DPYD: variants seen among roughly 807,000 people sequenced by gnomAD.
DPYD encodes dihydropyrimidine dehydrogenase.
A neutral mutation model predicts 116.2 loss-of-function variants in DPYD; 109 were observed. The ratio of observed to expected loss-of-function variants is 0.94; its 90% CI spans 0.80 to 1.10. The LOEUF (loss-of-function observed/expected upper bound fraction) is 1.10, where lower values mean the gene tolerates loss of function less well. Ranked by LOEUF, DPYD falls within the 50% of genes least tolerant of loss-of-function variation. The probability of loss-of-function intolerance (pLI) is 0.00; values close to 1 mark genes in which losing one functional copy is unlikely to be tolerated. For synonymous variants in DPYD, 440 were observed against 432.0 expected, an observed-to-expected ratio of 1.02 and a Z score of -0.23; for missense variants, 1,302 against 1,254.5, an observed-to-expected ratio of 1.04 and a Z score of -0.57.
intron 18 of DPYD, among the ~76,000 whole-genome samples, chr1:97,258,984 A>G (rs1029503763): frequency 6.6e-6 from 1 of 152,154 alleles, no homozygotes; most frequent in Non-Finnish European, 1.5e-5. Context: ...AAAAGGGTCA[A>G]CAGTGTCAAG....
At chr1:97,502,077 C>T (rs375599936) in intron 13 of DPYD, among the ~76,000 whole-genome samples, 4 of 151,918 alleles carry the variant, frequency 2.6e-5, no homozygotes, top group Non-Finnish European at 5.9e-5. Flanking sequence ...GATCCTTTAT[C>T]GCTTTTCTTT....
chr1:97,151,283 T>C (rs1285185833), intron 20 of DPYD, among the ~76,000 whole-genome samples: 3 of 152,244 alleles, frequency 2.0e-5, no homozygotes, highest in Non-Finnish European at 4.4e-5. Flanking sequence ...TGAGCTCTTT[T>C]GATTCTTTAC....
intron 3 of DPYD, among the ~76,000 whole-genome samples, chr1:97,775,408 T>A (rs536065616): frequency 4.6e-5 from 7 of 152,230 alleles, no homozygotes; most frequent in Middle Eastern, 3.4e-3. Context: ...ATCTGTCCCT[T>A]TTGCCTACAT....
At chr1:97,167,016 C>A (rs1366433487) in intron 20 of DPYD, among the ~76,000 whole-genome samples, 2 of 151,972 alleles carry the variant, frequency 1.3e-5, no homozygotes, top group African/African-American at 4.8e-5. Context: ...ATGCTAAATT[C>A]AGAAATAGGA....
chr1:97,169,553 A>G (rs1656572699), intron 20 of DPYD, among the ~76,000 whole-genome samples: 1 of 149,222 alleles, frequency 6.7e-6, no homozygotes, highest in Admixed American at 6.7e-5. Flanking sequence ...ATTTTATTTT[A>G]TTTTATTTGT....
At chr1:97,246,497 TG>T (rs1662727588) in intron 18 of DPYD, among the ~76,000 whole-genome samples, 1 of 152,160 alleles carries the variant, frequency 6.6e-6, no homozygotes, top group Non-Finnish European at 1.5e-5. Flanking sequence ...TGGGTAGGTC[TG>T]GGGCTAAAAA....
chr1:97,210,089 A>C (rs1188242040), intron 19 of DPYD, among the ~76,000 whole-genome samples: 1 of 152,154 alleles, frequency 6.6e-6, no homozygotes, highest in African/African-American at 2.4e-5. Flanking sequence ...TCTGGTTTAA[A>C]AGTTTTCAAA....
At chr1:97,303,954 C>T (rs1667013175) in intron 18 of DPYD, among the ~76,000 whole-genome samples, 1 of 151,992 alleles carries the variant, frequency 6.6e-6, no homozygotes, top group Non-Finnish European at 1.5e-5. Flanking sequence ...GACTGCAACA[C>T]AAAAGACTTT....
At chr1:97,261,268 T>A (rs1335261886) in intron 18 of DPYD, among the ~76,000 whole-genome samples, 1 of 152,192 alleles carries the variant, frequency 6.6e-6, no homozygotes, top group South Asian at 2.1e-4. Flanking sequence ...AGCTAATGGA[T>A]GCCTCTATGC....
intron 6 of DPYD, among the ~76,000 whole-genome samples, chr1:97,697,247 C>A (rs576544107): frequency 1.3e-5 from 2 of 151,672 alleles, no homozygotes; most frequent in East Asian, 3.9e-4. Context: ...AGATATTTTT[C>A]ACTGACTCCA....
chr1:97,213,139 G>A (rs1437929755), intron 19 of DPYD, among the ~76,000 whole-genome samples: 2 of 152,030 alleles, frequency 1.3e-5, no homozygotes, highest in Non-Finnish European at 2.9e-5. Flanking sequence ...ACCACCCTCT[G>A]ACCTATCAAA....
intron 12 of DPYD, among the ~76,000 whole-genome samples, chr1:97,530,210 T>C (rs11165891): frequency 2.3e-5 from 2 of 85,310 alleles, no homozygotes; most frequent in African/African-American, 5.1e-5. Flanking sequence ...ATTTCTTTTT[T>C]TTTCTTTTTT....
chr1:97,731,111 A>G (rs1663581750), intron 4 of DPYD, among the ~76,000 whole-genome samples: 1 of 152,100 alleles, frequency 6.6e-6, no homozygotes, highest in South Asian at 2.1e-4. Flanking sequence ...ATGCCAAAAG[A>G]CACATGATTA....
chr1:97,332,128 G>C (rs1669041872), intron 16 of DPYD, among the ~76,000 whole-genome samples: 1 of 152,104 alleles, frequency 6.6e-6, no homozygotes, highest in Non-Finnish European at 1.5e-5. Flanking sequence ...TAGATCTACT[G>C]TCCAGAGTCA....
intron 22 of DPYD, 123 bp from the exon 23 acceptor site, chr1:97,079,269 C>T: frequency 1.0e-6 from 1 of 972,634 alleles, no homozygotes; most frequent in Non-Finnish European, 1.7e-6. Flanking sequence ...ACGTCCAGCT[C>T]TATGGTGCAA....
At chr1:97,640,500 G>A (rs910713880) in intron 8 of DPYD, among the ~76,000 whole-genome samples, 6 of 151,956 alleles carry the variant, frequency 3.9e-5, no homozygotes, top group African/African-American at 1.5e-4. Flanking sequence ...GTAGAGGTGG[G>A]GTTTCACCAT....
At chr1:97,261,969 C>T (rs1287184249) in intron 18 of DPYD, among the ~76,000 whole-genome samples, 2 of 151,978 alleles carry the variant, frequency 1.3e-5, no homozygotes, top group African/African-American at 4.8e-5. Context: ...GCTATTCCTA[C>T]TGCCTGAATT....
At chr1:97,772,229 T>G (rs1481379007) in intron 3 of DPYD, among the ~76,000 whole-genome samples, 1 of 152,218 alleles carries the variant, frequency 6.6e-6, no homozygotes, top group Non-Finnish European at 1.5e-5. Context: ...ATTCAATAAC[T>G]ACTTCTTGAG....
At chr1:97,623,191 T>A (rs981279591) in intron 8 of DPYD, among the ~76,000 whole-genome samples, 8 of 152,022 alleles carry the variant, frequency 5.3e-5, no homozygotes, top group African/African-American at 1.9e-4. Context: ...CCAAAGACTG[T>A]GAAGCAGAGA....
Sources: allele counts gnomAD v4.1 joint callset (sites outside exome capture counted in the v4.1 genomes callset), GRCh38; gene constraint gnomAD v4.1.1; transcripts MANE v1.5; gene names NCBI Gene and HGNC (gene_info 2026-07-23, HGNC 2026-07-21).